Variants in FRMD4A observed in about 807,000 individuals in gnomAD.
The protein encoded by FRMD4A is FERM domain-containing protein 4A.
In FRMD4A, 29 loss-of-function variants were observed where a neutral mutation model predicts 129.1. The observed-to-expected ratio is 0.22, with a 90% CI of 0.17 to 0.31. FRMD4A has a LOEUF of 0.31. Among genes scored for constraint, FRMD4A ranks in the 10% least tolerant of loss-of-function variants. The pLI is 1.00. For synonymous variants in FRMD4A, 634 were observed against 571.6 expected, an observed-to-expected ratio of 1.11 and a Z score of -1.56; for missense variants, 1,272 against 1,375.8, an observed-to-expected ratio of 0.92 and a Z score of 1.19.
chr10:14,131,532 C>T (rs1476422024), intron 2 of FRMD4A, among the ~76,000 whole-genome samples: 2 of 152,152 alleles, frequency 1.3e-5, no homozygotes, highest in Non-Finnish European at 2.9e-5. Context: ...ATGAACAACA[C>T]AGACAGCATA....
chr10:14,264,659 A>T (rs1844916012), intron 2 of FRMD4A, among the ~76,000 whole-genome samples: 1 of 152,206 alleles, frequency 6.6e-6, no homozygotes, highest in African/African-American at 2.4e-5. Context: ...ATTTAATTAA[A>T]ATATCTATTG....
intron 2 of FRMD4A, among the ~76,000 whole-genome samples, chr10:14,060,824 T>C (rs1176606388): frequency 6.6e-6 from 1 of 152,180 alleles, no homozygotes; most frequent in Non-Finnish European, 1.5e-5. Context: ...TCTTTTCTGA[T>C]CTTTGGGTCC....
At chr10:13,828,069 G>A (rs892702943) in intron 3 of FRMD4A, among the ~76,000 whole-genome samples, 9 of 152,252 alleles carry the variant, frequency 5.9e-5, no homozygotes, top group Admixed American at 3.3e-4. Context: ...CCTCGTCTGA[G>A]GCACTGTCCT....
At chr10:13,707,769 A>G in intron 12 of FRMD4A, 1 of 985,400 alleles carries the variant, frequency 1.0e-6, no homozygotes, top group Non-Finnish European at 1.2e-6. Flanking sequence ...AAGAAAACCA[A>G]GAGTTCTGTC....
chr10:13,991,860 AT>A (rs1328544391), intron 2 of FRMD4A: 1 of 152,630 alleles, frequency 6.6e-6, no homozygotes, highest in African/African-American at 2.4e-5. Context: ...AAACTAGAAA[AT>A]TAAGGGTAAT....
intron 2 of FRMD4A, among the ~76,000 whole-genome samples, chr10:13,990,594 T>C (rs1221519579): frequency 6.6e-6 from 1 of 151,838 alleles, no homozygotes; most frequent in African/African-American, 2.4e-5. Flanking sequence ...CCGGGAAACC[T>C]TCCATTGCAG....
At chr10:14,278,626 C>A (rs760037432) in intron 2 of FRMD4A, among the ~76,000 whole-genome samples, 1 of 152,166 alleles carries the variant, frequency 6.6e-6, no homozygotes, top group Admixed American at 6.5e-5. Flanking sequence ...AGAAGCGGCA[C>A]GTGTTAGGTG....
intron 2 of FRMD4A, among the ~76,000 whole-genome samples, chr10:14,197,419 C>T (rs186674037): frequency 3.2e-4 from 49 of 152,166 alleles, no homozygotes; most frequent in African/African-American, 1.1e-3. Context: ...GAGTCTAGCT[C>T]GTGGTGCAAT....
chr10:14,155,321 T>C (rs1840541635), intron 2 of FRMD4A, among the ~76,000 whole-genome samples: 1 of 152,094 alleles, frequency 6.6e-6, no homozygotes, highest in South Asian at 2.1e-4. Context: ...TAGATTCTTG[T>C]GTTGAAAATA....
intron 2 of FRMD4A, among the ~76,000 whole-genome samples, chr10:14,117,837 G>T (rs7894149): frequency 1.3e-5 from 2 of 152,152 alleles, no homozygotes; most frequent in Non-Finnish European, 2.9e-5. Context: ...TGTGAGTGTA[G>T]GTCCTCCAAG....
intron 2 of FRMD4A, among the ~76,000 whole-genome samples, chr10:14,252,725 T>C (rs1844482116): frequency 6.6e-6 from 1 of 152,270 alleles, no homozygotes; most frequent in African/African-American, 2.4e-5. Flanking sequence ...TTAGTTTTTA[T>C]CCTTTCTAAC....
chr10:14,103,088 T>C (rs1418721715), intron 2 of FRMD4A, among the ~76,000 whole-genome samples: 1 of 152,200 alleles, frequency 6.6e-6, no homozygotes, highest in Non-Finnish European at 1.5e-5. Flanking sequence ...GTGTCGTTCC[T>C]ATCTAATCTC....
At chr10:13,981,843 G>T (rs2095562643) in intron 2 of FRMD4A, among the ~76,000 whole-genome samples, 3 of 152,156 alleles carry the variant, frequency 2.0e-5, no homozygotes, top group Non-Finnish European at 4.4e-5. Flanking sequence ...AGGGCAGGGG[G>T]TCAAGCTCCC....
intron 2 of FRMD4A, among the ~76,000 whole-genome samples, chr10:13,941,758 A>G (rs886634025): frequency 2.6e-5 from 4 of 152,218 alleles, no homozygotes; most frequent in African/African-American, 9.6e-5. Flanking sequence ...AGGCTCCTAA[A>G]AAAGGTGTGA....
At chr10:14,154,824 G>A (rs746828296) in intron 2 of FRMD4A, among the ~76,000 whole-genome samples, 2 of 152,268 alleles carry the variant, frequency 1.3e-5, no homozygotes, top group South Asian at 2.1e-4. Context: ...ACAATACAGC[G>A]AGAGGCCCTT....
intron 2 of FRMD4A, among the ~76,000 whole-genome samples, chr10:14,158,841 G>C (rs1840735362): frequency 2.9e-5 from 1 of 34,850 alleles, no homozygotes. Context: ...GGAGAAAGAG[G>C]AGGAGGAGGA....
intron 2 of FRMD4A, among the ~76,000 whole-genome samples, chr10:13,985,758 C>T (rs551928141): frequency 6.6e-6 from 1 of 152,354 alleles, no homozygotes; most frequent in African/African-American, 2.4e-5. Context: ...AGGAGGGCCC[C>T]TGGCCCATCC....
At chr10:13,878,764 A>C (rs1202502405) in intron 2 of FRMD4A, among the ~76,000 whole-genome samples, 1 of 147,860 alleles carries the variant, frequency 6.8e-6, no homozygotes, top group African/African-American at 2.6e-5. Context: ...AAACATAGAA[A>C]GAAAAGAAAG....
intron 2 of FRMD4A, among the ~76,000 whole-genome samples, chr10:13,998,170 C>A (rs375991245): frequency 6.6e-6 from 1 of 152,154 alleles, no homozygotes; most frequent in Non-Finnish European, 1.5e-5. Context: ...CACACACATT[C>A]CCCAGATGTT....
Sources: allele counts gnomAD v4.1 joint callset (sites outside exome capture counted in the v4.1 genomes callset), GRCh38; gene constraint gnomAD v4.1.1; transcripts MANE v1.5; gene names NCBI Gene and HGNC (gene_info 2026-07-23, HGNC 2026-07-21).